MACROD2: variants seen among roughly 807,000 people sequenced by gnomAD.
MACROD2 encodes ADP-ribose glycohydrolase MACROD2.
A neutral mutation model predicts 70.4 loss-of-function variants in MACROD2; 36 were observed. That is an observed-to-expected ratio of 0.51 (90% CI 0.39 to 0.68). MACROD2 has a LOEUF of 0.68. Ranked by LOEUF, MACROD2 falls within the 30% of genes least tolerant of loss-of-function variation. The probability of loss-of-function intolerance (pLI) is 0.00; values close to 1 mark genes in which losing one functional copy is unlikely to be tolerated. For missense variants in MACROD2, 496 were observed against 538.4 expected, an observed-to-expected ratio of 0.92 and a Z score of 0.78; for synonymous variants, 172 against 178.8, an observed-to-expected ratio of 0.96 and a Z score of 0.30.
In MACROD2 at chr20:14,601,041, C is replaced by T. The variant is rs759599268; in HGVS notation, c.302-83802C>T. Among the ~76,000 whole-genome samples the T allele has an allele frequency of 7.9e-5, 12 of 152,042 alleles. 1 individual carries two copies. Among genetic ancestry groups the T allele is most frequent in the South Asian group, 4.2e-4 (2 of 4,818 alleles). On this transcript the variant is annotated intron_variant, in intron 4 of 17. Coordinates refer to ENST00000684519, the MANE Select transcript of MACROD2 (RefSeq NM_001351661.2). ...GGAAGTGTCTTACCACCCTGAATCCCGGTTCTCATCTGTAAACACTGAGTT... is the reference window on the plus strand; with the variant it reads ...GGAAGTGTCTTACCACCCTGAATCCTGGTTCTCATCTGTAAACACTGAGTT...
intron 7 of MACROD2, among the ~76,000 whole-genome samples, chr20:15,437,939 G>A (rs1369451590): frequency 1.3e-5 from 2 of 151,846 alleles, no homozygotes; most frequent in African/African-American, 4.8e-5. Context: ...CTTTGCTATT[G>A]TGAATAGTGC....
At chr20:14,394,090 C>T (rs2083555445) in intron 3 of MACROD2, among the ~76,000 whole-genome samples, 1 of 152,132 alleles carries the variant, frequency 6.6e-6, no homozygotes, top group Non-Finnish European at 1.5e-5. Flanking sequence ...GTTATAGCAA[C>T]CCAAAAGGAC....
At chr20:14,810,360 A>AT in intron 5 of MACROD2, among the ~76,000 whole-genome samples, 1 of 152,068 alleles carries the variant, frequency 6.6e-6, no homozygotes, top group Non-Finnish European at 1.5e-5. Flanking sequence ...CTCAATAGAT[A>AT]CAGGAAAAGC....
intron 6 of MACROD2, among the ~76,000 whole-genome samples, chr20:15,327,115 T>A (rs998730974): frequency 5.9e-5 from 9 of 152,160 alleles, no homozygotes; most frequent in Admixed American, 5.2e-4. Context: ...TTGTATTTTT[T>A]TGCTAGGTTT....
At chr20:14,819,342 T>C (rs2072812845) in intron 5 of MACROD2, among the ~76,000 whole-genome samples, 1 of 149,358 alleles carries the variant, frequency 6.7e-6, no homozygotes, top group African/African-American at 2.5e-5. Context: ...TTGACCTGAG[T>C]ATCTTGAATT....
intron 16 of MACROD2, among the ~76,000 whole-genome samples, chr20:16,041,993 GT>G (rs2067313936): frequency 6.6e-6 from 1 of 151,988 alleles, no homozygotes; most frequent in African/African-American, 2.4e-5. Flanking sequence ...ACCAGAATTG[GT>G]TAGGTGGTCA....
chr20:14,040,565 AC>A (rs1724364387), intron 2 of MACROD2, among the ~76,000 whole-genome samples: 1 of 152,058 alleles, frequency 6.6e-6, no homozygotes. Context: ...CCCCCATCCC[AC>A]CCAAATATGG....
chr20:14,016,590 A>G (rs1245107234), intron 2 of MACROD2, among the ~76,000 whole-genome samples: 1 of 152,126 alleles, frequency 6.6e-6, no homozygotes, highest in African/African-American at 2.4e-5. Flanking sequence ...TATGGTATAA[A>G]GATCCTTTTT....
intron 4 of MACROD2, among the ~76,000 whole-genome samples, chr20:14,680,031 G>T (rs2070912694): frequency 6.6e-6 from 1 of 152,176 alleles, no homozygotes; most frequent in Non-Finnish European, 1.5e-5. Flanking sequence ...TGGACCCTGA[G>T]GGTCCTACTT....
intron 13 of MACROD2, among the ~76,000 whole-genome samples, chr20:15,978,005 G>A (rs2066334491): frequency 6.6e-6 from 1 of 152,148 alleles, no homozygotes; most frequent in Non-Finnish European, 1.5e-5. Flanking sequence ...GGACAGTCTG[G>A]CATTTTTATG....
At chr20:14,515,883 G>C (rs1044530631) in intron 4 of MACROD2, among the ~76,000 whole-genome samples, 2 of 151,076 alleles carry the variant, frequency 1.3e-5, no homozygotes, top group African/African-American at 4.9e-5. Flanking sequence ...AAGTTGGTAA[G>C]GTGATAGATA....
intron 5 of MACROD2, among the ~76,000 whole-genome samples, chr20:15,186,815 A>G (rs2076537637): frequency 6.6e-6 from 1 of 152,128 alleles, no homozygotes; most frequent in Non-Finnish European, 1.5e-5. Context: ...GTCACACTCC[A>G]CTTGCGGATA....
intron 8 of MACROD2, among the ~76,000 whole-genome samples, chr20:15,531,455 C>T (rs1190799527): frequency 1.3e-5 from 2 of 152,088 alleles, no homozygotes; most frequent in Non-Finnish European, 2.9e-5. Flanking sequence ...ACCTGTGTCA[C>T]CTCTAAGATT....
At chr20:15,400,226 C>A (rs1266425839) in intron 6 of MACROD2, among the ~76,000 whole-genome samples, 1 of 152,136 alleles carries the variant, frequency 6.6e-6, no homozygotes, top group Non-Finnish European at 1.5e-5. Context: ...GGTGAGCTTT[C>A]TCAGGCTGAG....
At chr20:14,234,249 T>G (rs192129039) in intron 3 of MACROD2, among the ~76,000 whole-genome samples, 2 of 152,272 alleles carry the variant, frequency 1.3e-5, no homozygotes, top group Non-Finnish European at 2.9e-5. Flanking sequence ...TAAAAATGCA[T>G]CAATTTAAAA....
chr20:15,426,257 A>G (rs2046296529), intron 6 of MACROD2, among the ~76,000 whole-genome samples: 1 of 152,062 alleles, frequency 6.6e-6, no homozygotes, highest in South Asian at 2.1e-4. Flanking sequence ...TGATATCAAC[A>G]TGTTGGGCTA....
At chr20:15,923,568 G>A (rs923619385) in intron 10 of MACROD2, among the ~76,000 whole-genome samples, 26 of 152,084 alleles carry the variant, frequency 1.7e-4, no homozygotes, top group African/African-American at 6.3e-4. Context: ...GGAATTGATT[G>A]GAATTGCAGT....
intron 4 of MACROD2, among the ~76,000 whole-genome samples, chr20:14,571,975 C>G (rs1482517965): frequency 1.3e-5 from 2 of 151,998 alleles, no homozygotes; most frequent in African/African-American, 2.4e-5. Context: ...GCTATCATCA[C>G]TCTAATAAAA....
chr20:15,285,759 T>G (rs1265338221), intron 6 of MACROD2, among the ~76,000 whole-genome samples: 1 of 152,166 alleles, frequency 6.6e-6, no homozygotes, highest in Non-Finnish European at 1.5e-5. Flanking sequence ...ATGGCAGTGG[T>G]CATGCATTAT....
Sources: gnomAD v4.1 joint callset for allele counts (sites outside exome capture counted in the v4.1 genomes callset) on GRCh38, gnomAD v4.1.1 for gene constraint, MANE v1.5 for transcripts, NCBI Gene and HGNC (gene_info 2026-07-23, HGNC 2026-07-21) for gene names.